The following SEMA6A variants were observed in gnomAD, a reference collection of about 807,000 sequenced individuals.
SEMA6A encodes the protein semaphorin 6A.
A neutral mutation model predicts 96.8 loss-of-function variants in SEMA6A; 25 were observed. The observed-to-expected ratio is 0.26, with a 90% CI of 0.19 to 0.36. The LOEUF (loss-of-function observed/expected upper bound fraction) is 0.36. SEMA6A is among the 10% of genes least tolerant of loss of function. The pLI is 1.00. For missense variants in SEMA6A, 1,363 were observed against 1,323.1 expected (o/e 1.03, Z -0.47); for synonymous variants, 612 against 518.0 (o/e 1.18, Z -2.46).
intron 7 of SEMA6A, among the ~76,000 whole-genome samples, chr5:116,491,264 A>C (rs1561493218): frequency 6.6e-6 from 1 of 152,146 alleles, no homozygotes. Context: ...TCATCCTCTG[A>C]CTGTGAGAAC....
chr5:116,565,269 G>A (rs1345534129), intron 1 of SEMA6A, among the ~76,000 whole-genome samples: 2 of 152,132 alleles, frequency 1.3e-5, no homozygotes, highest in East Asian at 1.9e-4. Flanking sequence ...TGAATTATAC[G>A]AGAAGCGGTT....
chr5:116,527,694 C>G (rs1360129659), intron 1 of SEMA6A, among the ~76,000 whole-genome samples: 2 of 152,100 alleles, frequency 1.3e-5, no homozygotes, highest in East Asian at 3.8e-4. Context: ...TTTTTCTTGT[C>G]AAACCAGTTG....
intron 15 of SEMA6A, among the ~76,000 whole-genome samples, chr5:116,477,017 T>C (rs17139876): frequency 0.093 from 14,190 of 152,208 alleles, 1,370 homozygotes; most frequent in African/African-American, 0.24. Flanking sequence ...AGGCTCACAG[T>C]GATTTAAAGA....
At chr5:116,499,973 C>A (rs767965682) in intron 3 of SEMA6A, among the ~76,000 whole-genome samples, 28 of 152,320 alleles carry the variant, frequency 1.8e-4, no homozygotes, top group Admixed American at 1.2e-3. Context: ...GGAAAGTGAA[C>A]AATTCACAAG....
intron 18 of SEMA6A, among the ~76,000 whole-genome samples, chr5:116,455,399 C>G (rs1466626065): frequency 1.3e-5 from 2 of 152,216 alleles, no homozygotes; most frequent in African/African-American, 4.8e-5. Flanking sequence ...TTAGCAGAGT[C>G]TGCAAGGCGT....
chr5:116,544,076 T>A (rs910729055), intron 1 of SEMA6A, among the ~76,000 whole-genome samples: 2 of 152,344 alleles, frequency 1.3e-5, no homozygotes, highest in Admixed American at 1.3e-4. Context: ...ACTGGGGTAC[T>A]TGAATTTGAA....
intron 1 of SEMA6A, among the ~76,000 whole-genome samples, chr5:116,552,869 GA>G (rs1760472800): frequency 6.6e-6 from 1 of 152,174 alleles, no homozygotes; most frequent in African/African-American, 2.4e-5. Context: ...AAATTTTAAA[GA>G]GTAAAATCTT....
At chr5:116,556,671 C>G (rs1387597428) in intron 1 of SEMA6A, among the ~76,000 whole-genome samples, 1 of 152,202 alleles carries the variant, frequency 6.6e-6, no homozygotes, top group African/African-American at 2.4e-5. Flanking sequence ...TAACACCCCT[C>G]TAGAAGAAAA....
intron 18 of SEMA6A, among the ~76,000 whole-genome samples, chr5:116,464,435 A>G: frequency 6.6e-6 from 1 of 152,220 alleles, no homozygotes; most frequent in East Asian, 1.9e-4. Context: ...TAGGGTAATG[A>G]AGGGCAAGGC....
chr5:116,513,428 G>A (rs1758513478), intron 1 of SEMA6A, among the ~76,000 whole-genome samples: 3 of 152,020 alleles, frequency 2.0e-5, no homozygotes, highest in Admixed American at 2.0e-4. Flanking sequence ...TACCCGGCAA[G>A]GCAGCTAATT....
chr5:116,504,584 G>A (rs1758050943), intron 2 of SEMA6A, among the ~76,000 whole-genome samples: 1 of 152,190 alleles, frequency 6.6e-6, no homozygotes, highest in African/African-American at 2.4e-5. Flanking sequence ...GAACACGGCA[G>A]CCTCGATGTA....
At chr5:116,567,495 C>A (rs935459006) in intron 1 of SEMA6A, among the ~76,000 whole-genome samples, 3 of 152,152 alleles carry the variant, frequency 2.0e-5, no homozygotes, top group Non-Finnish European at 4.4e-5. Flanking sequence ...TGTTGAATGA[C>A]TGCTTGTTGT....
At chr5:116,557,228 C>T (rs1760641591) in intron 1 of SEMA6A, among the ~76,000 whole-genome samples, 1 of 152,156 alleles carries the variant, frequency 6.6e-6, no homozygotes, top group African/African-American at 2.4e-5. Flanking sequence ...GGTTGAAATA[C>T]TTTTCTTTTT....
intron 12 of SEMA6A, among the ~76,000 whole-genome samples, chr5:116,479,062 G>A (rs923966914): frequency 8.5e-5 from 13 of 152,100 alleles, no homozygotes; most frequent in African/African-American, 1.2e-4. Flanking sequence ...TATGAGGAGG[G>A]TAAGAAGTAA....
intron 16 of SEMA6A, 44 bp downstream of exon 16, chr5:116,475,501 G>C (rs768905489): frequency 7.3e-7 from 1 of 1,378,666 alleles, no homozygotes; most frequent in Non-Finnish European, 1.0e-6. Context: ...TTCACTGAAA[G>C]CATCTTTGCC....
intron 1 of SEMA6A, chr5:116,550,661 G>C (rs1241853727): frequency 6.6e-6 from 1 of 152,202 alleles, no homozygotes; most frequent in Admixed American, 6.5e-5. Context: ...AGTAATAACA[G>C]TAATAACAGT....
chr5:116,446,661 G>A lies in SEMA6A; in HGVS notation c.3045C>T (p.Ser1015=). ...TCATGGATGTGGAAAGGGGAGCAAA[G>A]GATGGTTTGGGGGGTACGTCCGGCT... is the stretch of plus-strand genomic sequence containing the variant. ...SLKPDVPPKP[S]FAPLSTSMKP... is the part of the protein sequence containing the mutation. The change falls in exon 19 of 19, where the codon TCC becomes TCT. Residue 1015 remains serine, a synonymous_variant. Coordinates refer to ENST00000343348, the MANE Select transcript of SEMA6A (RefSeq NM_020796.5). The A allele has an allele frequency of 1.3e-6, 2 of 1,541,008 alleles. No individual in the cohort carries two copies. Among genetic ancestry groups the A allele is most frequent in the Non-Finnish European group, 8.8e-7 (1 of 1,142,732 alleles).
At chr5:116,566,213 A>AGAGG (rs1384686500) in intron 1 of SEMA6A, among the ~76,000 whole-genome samples, 2 of 152,192 alleles carry the variant, frequency 1.3e-5, no homozygotes, top group Admixed American at 6.5e-5. Context: ...TTTGAAGCGT[A>AGAGG]GAGGGGCAGA....
intron 1 of SEMA6A, among the ~76,000 whole-genome samples, chr5:116,521,439 T>C (rs1419549391): frequency 6.6e-6 from 1 of 152,062 alleles, no homozygotes; most frequent in Non-Finnish European, 1.5e-5. Context: ...GTTTGAGGGG[T>C]AACGGGGCTG....
Sources: gnomAD v4.1 joint callset for allele counts (sites outside exome capture counted in the v4.1 genomes callset) on GRCh38, gnomAD v4.1.1 for gene constraint, MANE v1.5 for transcripts, NCBI Gene and HGNC (gene_info 2026-07-23, HGNC 2026-07-21) for gene names.